The following WDR25 variants were observed in gnomAD, a reference collection of about 807,000 sequenced individuals.
The protein encoded by WDR25 is WD repeat-containing protein 25.
WDR25 carries 35 observed loss-of-function variants against 47.7 expected under a neutral mutation model. That is an observed-to-expected ratio of 0.73 (90% CI 0.56 to 0.97). The LOEUF (loss-of-function observed/expected upper bound fraction) is 0.97, where lower values mean the gene tolerates loss of function less well. Among genes scored for constraint, WDR25 ranks in the 50% least tolerant of loss-of-function variants. The pLI is 0.00. For missense variants in WDR25, 634 were observed against 704.7 expected (o/e 0.90, Z 1.14); for synonymous variants, 248 against 278.9 (o/e 0.89, Z 1.10).
rs1896880704 is a variant in WDR25, at chr14:100,381,154, G to A, written c.230G>A (p.Arg77His). 7 of 1,614,200 alleles carry A rather than the reference G, an allele frequency of 4.3e-6. No individual in the cohort carries two copies. The Admixed American group carries it at 5.0e-5, about 12-fold the overall frequency. Residue 77 changes from arginine to histidine, a missense_variant, in exon 2 of 7, where the codon CGC (arginine) becomes CAC (histidine). Transcript: ENST00000402312. ...TCCTGTGAAGACCCAGGGGGCTATC[G>A]CCTTCCATTGGCTCAGCTTGGGAGA... ...HGSCEDPGGYRLPLAQLGRSD... is the reference protein window; with the variant it reads ...HGSCEDPGGYHLPLAQLGRSD...
In WDR25 at chr14:100,444,233, C is replaced by T. The variant is rs999072206; in HGVS notation, c.823-23788C>T. Among the ~76,000 whole-genome samples the T allele has an allele frequency of 5.9e-5, 9 of 152,272 alleles. No individual in the cohort carries two copies. In the East Asian group the frequency reaches 1.4e-3, roughly 23 times the overall value. The stretch of plus-strand genomic sequence containing the variant: ...ACCCGTGAAAATGGAAGGAAATTGG[C>T]GGTCAGAGGGAGCTGAAGCCTCACT... On this transcript the variant is annotated intron_variant, in intron 2 of 6. Coordinates refer to ENST00000402312, the MANE Select transcript of WDR25 (RefSeq NM_001161476.3).
At chr14:100,399,878 A>C (rs1038743029) in intron 2 of WDR25, among the ~76,000 whole-genome samples, 1 of 152,186 alleles carries the variant, frequency 6.6e-6, no homozygotes, top group Non-Finnish European at 1.5e-5. Context: ...AAAAAGACTT[A>C]CTTGAATTTA....
At chr14:100,527,218 C>A (rs1266745586) in intron 5 of WDR25, among the ~76,000 whole-genome samples, 1 of 151,844 alleles carries the variant, frequency 6.6e-6, no homozygotes, top group Non-Finnish European at 1.5e-5. Flanking sequence ...AGCACCACCA[C>A]CACCATTACC....
intron 3 of WDR25, among the ~76,000 whole-genome samples, chr14:100,477,827 C>A (rs1414141124): frequency 6.6e-6 from 1 of 152,198 alleles, no homozygotes; most frequent in Admixed American, 6.5e-5. Context: ...CGCCGTGGCT[C>A]ACGCCTGAAA....
rs113580767 is a variant in WDR25 at position 100,427,260 on chromosome 14, C to T, written c.823-40761C>T. Among the ~76,000 whole-genome samples, 983 of 152,198 alleles carry T rather than the reference C, an allele frequency of 6.5e-3. 19 individuals are homozygous for T. The highest frequency in any genetic ancestry group is 0.022 in the African/African-American group (933 of 41,520). On this transcript the variant is annotated intron_variant, in intron 2 of 6. Transcript: ENST00000402312. ...CTGACTTTGTGAGACAGCCCTTTTC[C>T]CACGAAGCCCTCCATGCCCCCCAGC...
chr14:100,504,327 C>G (rs1901041758), intron 4 of WDR25, among the ~76,000 whole-genome samples: 1 of 152,184 alleles, frequency 6.6e-6, no homozygotes, highest in Admixed American at 6.5e-5. Context: ...TTCTAAGTCT[C>G]TTAAGTCTAT....
intron 2 of WDR25, among the ~76,000 whole-genome samples, chr14:100,418,250 C>T (rs533192150): frequency 4.0e-5 from 6 of 150,690 alleles, no homozygotes; most frequent in African/African-American, 1.2e-4. Flanking sequence ...TGCCTTCTTA[C>T]GTCTTATATC....
intron 4 of WDR25, among the ~76,000 whole-genome samples, chr14:100,510,628 C>T (rs948044519): frequency 4.0e-5 from 6 of 151,354 alleles, no homozygotes; most frequent in East Asian, 3.9e-4. Context: ...CCCAGCTACT[C>T]GGGAGGCTGA....
In WDR25 at chr14:100,409,531, C is replaced by T. The variant is rs145683217; in HGVS notation, c.822+27785C>T. On this transcript the variant is annotated intron_variant, in intron 2 of 6. Transcript: ENST00000402312. ...TTGAAAAGATGAAAAGTAAGAGCCC[C>T]ATCATTGCTGTTAGGCACACAAAGG... is the stretch of plus-strand genomic sequence containing the variant. 3.6e-4 allele frequency among the ~76,000 whole-genome samples: 55 copies of T among 152,142 alleles called. No individual in the cohort carries two copies. In the East Asian group the frequency reaches 0.01, roughly 28 times the overall value.
intron 2 of WDR25, among the ~76,000 whole-genome samples, chr14:100,464,027 T>A (rs7150207): frequency 6.6e-6 from 1 of 152,186 alleles, no homozygotes; most frequent in African/African-American, 2.4e-5. Context: ...GTGGTCCTAC[T>A]GCAGTGGAAC....
chr14:100,494,806 A>G (rs116934887), intron 4 of WDR25, among the ~76,000 whole-genome samples: 65 of 152,342 alleles, frequency 4.3e-4, no homozygotes, highest in Non-Finnish European at 6.5e-4. Context: ...CCCTTCCCCA[A>G]GGTCAGCTAG....
Position 100,430,526 on chromosome 14 carries a change from G to T in WDR25, c.823-37495G>T, listed in dbSNP as rs116021677. On this transcript the variant is annotated intron_variant, in intron 2 of 6. Coordinates refer to ENST00000402312, the MANE Select transcript of WDR25 (RefSeq NM_001161476.3). The surrounding 1 kb of genome is among the most constrained non-coding windows in gnomAD (Gnocchi z 4.7). The stretch of plus-strand genomic sequence containing the variant: ...GGCACAAAGTAGGTGCTCACTCATT[G>T]GGTGTTGGATTTAATTAAAATAACG... Among the ~76,000 whole-genome samples, 1 of 152,188 alleles carries T rather than the reference G, an allele frequency of 6.6e-6. No homozygotes were observed. The highest frequency in any genetic ancestry group is 2.4e-5 in the African/African-American group (1 of 41,454).
At chr14:100,458,633 G>A (rs1323898999) in intron 2 of WDR25, among the ~76,000 whole-genome samples, 1 of 152,026 alleles carries the variant, frequency 6.6e-6, no homozygotes, top group Admixed American at 6.6e-5. Flanking sequence ...CCCATGGAAT[G>A]TCCACCAAGA....
chr14:100,483,943 G>T (rs367941234), intron 3 of WDR25, 51 bp from the exon 4 acceptor site: 9 of 1,560,772 alleles, frequency 5.8e-6, no homozygotes, highest in Non-Finnish European at 7.8e-6. Context: ...TAAGATATTT[G>T]TTTTGTGACC....
intron 2 of WDR25, among the ~76,000 whole-genome samples, chr14:100,401,338 T>G (rs1164524090): frequency 6.6e-6 from 1 of 152,216 alleles, no homozygotes. Flanking sequence ...GGCATTTCCT[T>G]GCTTATCACC....
At chr14:100,460,749 C>T (rs1485736542) in intron 2 of WDR25, among the ~76,000 whole-genome samples, 1 of 152,072 alleles carries the variant, frequency 6.6e-6, no homozygotes, top group Non-Finnish European at 1.5e-5. Flanking sequence ...TCGTTCTTAA[C>T]TGTGTAAGAC....
rs1370209730 is a variant in WDR25, at chr14:100,468,828, C to T, written c.970+660C>T. ...TGAGGACTGCCAGGGAGTGACAGAG[C>T]TGGGATTCGCACCTCTGCCATCTGC... On this transcript the variant is annotated intron_variant, in intron 3 of 6. Coordinates refer to ENST00000402312, the MANE Select transcript of WDR25 (RefSeq NM_001161476.3). The surrounding 1 kb of genome is among the most constrained non-coding windows in gnomAD (Gnocchi z 4.5). 3.3e-5 allele frequency among the ~76,000 whole-genome samples: 5 copies of T among 152,164 alleles called. 1 individual carries two copies. The South Asian group carries it at 1.0e-3, about 32-fold the overall frequency.
chr14:100,434,326 C>A (rs534137187), intron 2 of WDR25, among the ~76,000 whole-genome samples: 4 of 152,166 alleles, frequency 2.6e-5, no homozygotes, highest in Non-Finnish European at 5.9e-5. Context: ...TTTGTCACTC[C>A]CCCCTCCAAC....
chr14:100,382,593 G>C (rs34277171), intron 2 of WDR25, among the ~76,000 whole-genome samples: 87,428 of 152,068 alleles, frequency 0.57, 25,847 homozygotes, highest in South Asian at 0.77. Flanking sequence ...CCCCAGTATG[G>C]AGGTACAGTG....
Sources: allele counts gnomAD v4.1 joint callset (sites outside exome capture counted in the v4.1 genomes callset), GRCh38; gene constraint gnomAD v4.1.1; non-coding constraint Gnocchi (gnomAD v3.1); transcripts MANE v1.5; gene names NCBI Gene and HGNC (gene_info 2026-07-23, HGNC 2026-07-21).